Variants in CACNG3 observed in about 807,000 individuals in gnomAD.
CACNG3 encodes voltage-dependent calcium channel gamma-3 subunit.
In CACNG3, 3 loss-of-function variants were observed where a neutral mutation model predicts 28.5. That is an observed-to-expected ratio of 0.11 (90% CI 0.05 to 0.27). The LOEUF is 0.27. Ranked by LOEUF, CACNG3 falls within the 10% of genes least tolerant of loss-of-function variation. The probability of loss-of-function intolerance (pLI) is 1.00; values close to 1 mark genes in which losing one functional copy is unlikely to be tolerated. For missense variants in CACNG3, 236 were observed against 414.4 expected (o/e 0.57, Z 3.74); for synonymous variants, 174 against 162.2 (o/e 1.07, Z -0.55).
chr16:24,265,296 A>G (rs1405267946), intron 1 of CACNG3, among the ~76,000 whole-genome samples: 2 of 150,740 alleles, frequency 1.3e-5, no homozygotes, highest in Non-Finnish European at 3.0e-5. Flanking sequence ...GGGAGGAAGG[A>G]AGGAAGGAAA....
At chr16:24,341,705 A>G (rs770243325) in intron 1 of CACNG3, among the ~76,000 whole-genome samples, 16 of 152,348 alleles carry the variant, frequency 1.1e-4, no homozygotes, top group South Asian at 6.2e-4. Flanking sequence ...ATTCATGCCT[A>G]CGTGGGACAC....
chr16:24,297,293 A>AATAAATAT (rs1478591088), intron 1 of CACNG3, among the ~76,000 whole-genome samples: 1 of 151,532 alleles, frequency 6.6e-6, no homozygotes, highest in African/African-American at 2.4e-5. Flanking sequence ...TAAATAAATA[A>AATAAATAT]ATAAATAAAA....
At chr16:24,314,354 C>T (rs778005970) in intron 1 of CACNG3, among the ~76,000 whole-genome samples, 16 of 152,246 alleles carry the variant, frequency 1.1e-4, no homozygotes, top group South Asian at 2.1e-4. Context: ...AGGCAGAAGT[C>T]GCAGCTTCTT....
intron 1 of CACNG3, among the ~76,000 whole-genome samples, chr16:24,325,625 C>A (rs1281808358): frequency 2.0e-5 from 3 of 152,238 alleles, no homozygotes; most frequent in Admixed American, 6.5e-5. Context: ...TTATGAGCCG[C>A]CTCATACCCA....
chr16:24,317,650 A>C (rs866789356), intron 1 of CACNG3, among the ~76,000 whole-genome samples: 1 of 57,324 alleles, frequency 1.7e-5, no homozygotes, highest in East Asian at 4.8e-4. Context: ...AAGAAAAGAA[A>C]AGAAAGAAAG....
chr16:24,270,424 C>A (rs1898671484), intron 1 of CACNG3, among the ~76,000 whole-genome samples: 1 of 152,208 alleles, frequency 6.6e-6, no homozygotes, highest in Admixed American at 6.5e-5. Context: ...ATGAATCTGG[C>A]AGGCAATCAA....
chr16:24,329,364 T>C (rs960192988), intron 1 of CACNG3, among the ~76,000 whole-genome samples: 3 of 152,216 alleles, frequency 2.0e-5, no homozygotes, highest in African/African-American at 4.8e-5. Flanking sequence ...CAGCGAAGGT[T>C]GAAATAAGCA....
chr16:24,360,311 C>T (rs1487470661), intron 3 of CACNG3, among the ~76,000 whole-genome samples: 6 of 152,162 alleles, frequency 3.9e-5, no homozygotes, highest in South Asian at 4.1e-4. Context: ...ATGTGCACAG[C>T]CCTCCAAACC....
In CACNG3 at chr16:24,270,776, T is replaced by C. The variant is rs138952362; in HGVS notation, c.211+13811T>C. Reference sequence around the variant, plus strand: ...CCAAATTACTGTAAAGCAGAGAAGGTGTGTTGGGGTGGGTGGGGATGAAAT... The same window carrying C: ...CCAAATTACTGTAAAGCAGAGAAGGCGTGTTGGGGTGGGTGGGGATGAAAT... On this transcript the variant is annotated intron_variant, in intron 1 of 3. Coordinates refer to ENST00000005284, the MANE Select transcript of CACNG3 (RefSeq NM_006539.4). Among the ~76,000 whole-genome samples the C allele has an allele frequency of 5.0e-3, 759 of 152,108 alleles. 3 individuals are homozygous for C. The highest frequency in any genetic ancestry group is 0.018 in the African/African-American group (735 of 41,492).
rs57918697 is a variant in CACNG3, at chr16:24,327,126, C to CAAAAAAAAAAAA, written c.212-19592_212-19581dup. The stretch of plus-strand genomic sequence containing the variant: ...AGTGGCCAAGGCAGGGGCTCCAAAC[C>CAAAAAAAAAAAA]AAAAAAAAAAAAAAAAAAAAAAAAA... On this transcript the variant is annotated intron_variant, in intron 1 of 3. Transcript: ENST00000005284. Among the ~76,000 whole-genome samples the CAAAAAAAAAAAA allele has an allele frequency of 8.4e-5, 3 of 35,830 alleles. 1 individual carries two copies. Among genetic ancestry groups the CAAAAAAAAAAAA allele is most frequent in the African/African-American group, 1.3e-4 (1 of 7,550 alleles). The allele number at this position is 35,830 out of a possible 152,430, so 23.5% of individuals were successfully genotyped here.
chr16:24,361,858 G>A lies in CACNG3; in HGVS notation c.943G>A (p.Val315Ile), dbSNP rs1047741779. ...TCCGGCCAACAGGCGCACCACGCCCGTCTGAACTGACCTCTGACCTCTGCC... is the reference window on the plus strand; with the variant it reads ...TCCGGCCAACAGGCGCACCACGCCCATCTGAACTGACCTCTGACCTCTGCC... ...NNPANRRTTPV is the reference protein window; with the variant it reads ...NNPANRRTTPI Residue 315 changes from valine (V) to isoleucine (I), a missense_variant, in exon 4 of 4, where the codon GTC (valine) becomes ATC (isoleucine). By Grantham distance (29) the Val-to-Ile change is conservative. Coordinates refer to ENST00000005284, the MANE Select transcript of CACNG3 (RefSeq NM_006539.4). This position sits in a 1 kb window ranked among gnomAD's most constrained non-coding sequence, Gnocchi z 6.8. 5.0e-6 allele frequency: 8 copies of A among 1,602,616 alleles called. No individual in the cohort carries two copies. Among genetic ancestry groups the A allele is most frequent in the Non-Finnish European group, 5.1e-6 (6 of 1,177,442 alleles).
chr16:24,346,864 C>G (rs767672155), intron 2 of CACNG3, 47 bp downstream of exon 2: 1 of 1,444,852 alleles, frequency 6.9e-7, no homozygotes, highest in South Asian at 1.1e-5. Context: ...AGGGATGGGC[C>G]TCTGCCATCA....
intron 2 of CACNG3, among the ~76,000 whole-genome samples, chr16:24,350,846 C>T (rs1899930585): frequency 6.6e-6 from 1 of 152,160 alleles, no homozygotes; most frequent in African/African-American, 2.4e-5. Flanking sequence ...AGACTTGCCC[C>T]TAATATTTGC....
intron 1 of CACNG3, among the ~76,000 whole-genome samples, chr16:24,324,886 C>T (rs1899519991): frequency 6.6e-6 from 1 of 152,114 alleles, no homozygotes. Flanking sequence ...TGTTTCTTTC[C>T]GCTTTCAACT....
At chr16:24,265,010 A>G (rs1481674949) in intron 1 of CACNG3, among the ~76,000 whole-genome samples, 1 of 152,190 alleles carries the variant, frequency 6.6e-6, no homozygotes, top group African/African-American at 2.4e-5. Flanking sequence ...AGGCCAAGGA[A>G]GGTGGATCAC....
chr16:24,299,946 A>T (rs1899083753), intron 1 of CACNG3, among the ~76,000 whole-genome samples: 1 of 152,064 alleles, frequency 6.6e-6, no homozygotes, highest in South Asian at 2.1e-4. Context: ...ACGCACACAC[A>T]CACACACACA....
chr16:24,339,115 A>G (rs1180296460), intron 1 of CACNG3, among the ~76,000 whole-genome samples: 2 of 152,016 alleles, frequency 1.3e-5, no homozygotes, highest in African/African-American at 2.4e-5. Flanking sequence ...TAATCCCTCC[A>G]TACTGTTTTA....
At chr16:24,263,134 A>AT (rs1309534977) in intron 1 of CACNG3, among the ~76,000 whole-genome samples, 1 of 152,160 alleles carries the variant, frequency 6.6e-6, no homozygotes, top group African/African-American at 2.4e-5. Flanking sequence ...AATGCACATA[A>AT]TTTTTTTGTT....
In CACNG3 at chr16:24,256,556, G is replaced by A. The variant is rs913876107; in HGVS notation, c.-199G>A. The A allele has an allele frequency of 1.7e-6, 1 of 587,932 alleles. No individual in the cohort carries two copies. Among genetic ancestry groups the A allele is most frequent in the South Asian group, 2.0e-5 (1 of 49,312 alleles). 36.4% of individuals were successfully genotyped at this position (587,932 alleles called of 1,614,324 possible). A position where few individuals can be genotyped will look rare whatever the true frequency, so the allele number is the denominator to read the frequency against. The stretch of plus-strand genomic sequence containing the variant: ...CCCCGGAGCCTGCACCCTTCCGAGG[G>A]CCATAGGCGACCCAGGGAACTGGAG... On this transcript the variant is annotated 5_prime_UTR_variant, in exon 1 of 4. Coordinates refer to ENST00000005284, the MANE Select transcript of CACNG3 (RefSeq NM_006539.4). The surrounding 1 kb of genome is among the most constrained non-coding windows in gnomAD (Gnocchi z 4.6).
Sources: gnomAD v4.1 joint callset for allele counts (sites outside exome capture counted in the v4.1 genomes callset) on GRCh38, gnomAD v4.1.1 for gene constraint, Gnocchi (gnomAD v3.1) non-coding constraint, MANE v1.5 for transcripts, NCBI Gene and HGNC (gene_info 2026-07-23, HGNC 2026-07-21) for gene names.